The following BCL2L1 variants were observed in gnomAD, a reference collection of about 807,000 sequenced individuals.
The protein encoded by BCL2L1 is bcl-2-like protein 1.
A neutral mutation model predicts 18.7 loss-of-function variants in BCL2L1; 1 was observed. That is an observed-to-expected ratio of 0.05 (90% CI 0.02 to 0.25). BCL2L1 has a LOEUF of 0.25. BCL2L1 is among the 10% of genes least tolerant of loss of function. The pLI, the probability that BCL2L1 is intolerant of heterozygous loss-of-function variation, is 1.00. For missense variants in BCL2L1, 207 were observed against 304.9 expected, an observed-to-expected ratio of 0.68 and a Z score of 2.39; for synonymous variants, 103 against 122.7, an observed-to-expected ratio of 0.84 and a Z score of 1.06.
At chr20:31,670,600 A>C (rs1469358331) in intron 2 of BCL2L1, among the ~76,000 whole-genome samples, 3 of 152,188 alleles carry the variant, frequency 2.0e-5, no homozygotes, top group Non-Finnish European at 4.4e-5. Flanking sequence ...AGTGCCATAG[A>C]AACATTCTCA....
chr20:31,707,722 G>A (rs1332393361), intron 2 of BCL2L1, among the ~76,000 whole-genome samples: 1 of 150,360 alleles, frequency 6.7e-6, no homozygotes, highest in East Asian at 1.9e-4. Flanking sequence ...AGGTTGTGGT[G>A]AGCCGAGGTG....
chr20:31,693,047 G>A (rs2061105348), intron 2 of BCL2L1, among the ~76,000 whole-genome samples: 1 of 150,036 alleles, frequency 6.7e-6, no homozygotes, highest in African/African-American at 2.5e-5. Flanking sequence ...CTCCAGCCTG[G>A]GCGAGAAAGT....
At chr20:31,666,574 G>C (rs912132594) in intron 2 of BCL2L1, among the ~76,000 whole-genome samples, 3 of 152,140 alleles carry the variant, frequency 2.0e-5, no homozygotes, top group Admixed American at 6.5e-5. Flanking sequence ...CTGCACCAGA[G>C]GGAGGGATAA....
At chr20:31,703,075 G>A (rs2061308614) in intron 2 of BCL2L1, among the ~76,000 whole-genome samples, 1 of 151,736 alleles carries the variant, frequency 6.6e-6, no homozygotes, top group South Asian at 2.1e-4. Flanking sequence ...ACAGAGTTTT[G>A]CTCTTGTTGC....
chr20:31,683,985 TAAAACAGA>T (rs2060912690), intron 2 of BCL2L1, among the ~76,000 whole-genome samples: 2 of 152,112 alleles, frequency 1.3e-5, no homozygotes, highest in South Asian at 2.1e-4. Flanking sequence ...CACTGACTAT[TAAAACAGA>T]AAATGTCCAT....
intron 2 of BCL2L1, among the ~76,000 whole-genome samples, chr20:31,697,928 C>T (rs1321026999): frequency 1.5e-5 from 1 of 67,610 alleles, no homozygotes; most frequent in African/African-American, 1.9e-4. Context: ...CGCTTTGTTG[C>T]CCAGGCTGGA....
At chr20:31,717,563 C>T (rs2061556719) in intron 2 of BCL2L1, among the ~76,000 whole-genome samples, 1 of 152,212 alleles carries the variant, frequency 6.6e-6, no homozygotes, top group Admixed American at 6.5e-5. Context: ...CCCTGAGACA[C>T]TTCTACTTAA....
intron 2 of BCL2L1, chr20:31,686,450 C>A (rs920126965): frequency 4.6e-5 from 7 of 152,218 alleles, no homozygotes; most frequent in African/African-American, 1.7e-4. Flanking sequence ...AATGTGTGAA[C>A]ACAAGGAAGC....
At chr20:31,723,766 T>TC (rs34231996), upstream of BCL2L1, 2,695 of 985,284 alleles carry the variant, frequency 2.7e-3, 47 homozygotes, top group African/African-American at 0.044. Flanking sequence ...GGGGGCCACA[T>TC]CCCCCTTCAT....
At position 31,664,587 on chromosome 20, in the gene BCL2L1, G is replaced by T; in HGVS notation, c.*1362C>A. 1 of 206,680 alleles carries T rather than the reference G, an allele frequency of 4.8e-6. No homozygotes were observed. Among genetic ancestry groups the T allele is most frequent in the Non-Finnish European group, 9.9e-6 (1 of 100,804 alleles). The allele number at this position is 206,680 out of a possible 1,614,324, so 12.8% of individuals were successfully genotyped here. A position where few individuals can be genotyped will look rare whatever the true frequency, so the allele number is the denominator to read the frequency against. On this transcript the variant is annotated 3_prime_UTR_variant, in exon 3 of 3. Transcript: ENST00000307677. ...ATGCCCCTCAGGAGCCAGGACCCTC[G>T]GCCAGCTTCCCTGGACCAGGGCAGG...
At chr20:31,666,297 T>C (rs2060587040) in intron 2 of BCL2L1, among the ~76,000 whole-genome samples, 1 of 151,832 alleles carries the variant, frequency 6.6e-6, no homozygotes, top group African/African-American at 2.4e-5. Flanking sequence ...GAGAAACAGG[T>C]AGAGAGGAGG....
intron 2 of BCL2L1, among the ~76,000 whole-genome samples, chr20:31,703,429 T>C (rs1381048392): frequency 6.6e-6 from 1 of 151,984 alleles, no homozygotes; most frequent in Non-Finnish European, 1.5e-5. Flanking sequence ...TCCACCTGCT[T>C]TGGCCTCCCA....
At chr20:31,713,348 G>A (rs960739689) in intron 2 of BCL2L1, 3 of 985,400 alleles carry the variant, frequency 3.0e-6, no homozygotes, top group Non-Finnish European at 3.6e-6. Context: ...AGCAAAGAAA[G>A]TAATGGACAA....
chr20:31,680,639 C>T (rs1438906604), intron 2 of BCL2L1, among the ~76,000 whole-genome samples: 2 of 152,240 alleles, frequency 1.3e-5, no homozygotes, highest in Admixed American at 6.5e-5. Context: ...AAGGCCCAGA[C>T]AGGCTGCCTT....
At chr20:31,681,323 T>C (rs1445339780) in intron 2 of BCL2L1, among the ~76,000 whole-genome samples, 7 of 152,186 alleles carry the variant, frequency 4.6e-5, no homozygotes, top group Admixed American at 4.6e-4. Context: ...GGGAAGTTGG[T>C]GAGAAGCAGT....
At chr20:31,676,704 A>T (rs1309009847) in intron 2 of BCL2L1, among the ~76,000 whole-genome samples, 1 of 151,836 alleles carries the variant, frequency 6.6e-6, no homozygotes, top group Admixed American at 6.6e-5. Context: ...CACCACGAAC[A>T]CCCCCATTTC....
chr20:31,708,497 C>T (rs901310279), intron 2 of BCL2L1, among the ~76,000 whole-genome samples: 16 of 152,244 alleles, frequency 1.1e-4, no homozygotes, highest in African/African-American at 3.9e-4. Flanking sequence ...CATCAGGTTC[C>T]TGGAGAAGCC....
chr20:31,666,731 G>T (rs564989727), intron 2 of BCL2L1, among the ~76,000 whole-genome samples: 1 of 152,196 alleles, frequency 6.6e-6, no homozygotes, highest in East Asian at 1.9e-4. Flanking sequence ...AGGAGAGAGG[G>T]TAACAATGAT....
rs142690851 is a variant in BCL2L1, at chr20:31,683,495, G to T, written c.565-17409C>A. ...AATGTAAACTTCATGATGGCCCGGC[G>T]CAGTGGCTCACGCCTGTAATCCCAG... On this transcript the variant is annotated intron_variant, in intron 2 of 2. Coordinates refer to ENST00000307677, the MANE Select transcript of BCL2L1 (RefSeq NM_138578.3). 2.6e-5 allele frequency among the ~76,000 whole-genome samples: 4 copies of T among 152,218 alleles called. No homozygotes were observed. The East Asian group carries it at 7.7e-4, about 29-fold the overall frequency.
Sources: allele counts gnomAD v4.1 joint callset (sites outside exome capture counted in the v4.1 genomes callset), GRCh38; gene constraint gnomAD v4.1.1; transcripts MANE v1.5; gene names NCBI Gene and HGNC (gene_info 2026-07-23, HGNC 2026-07-21).